Variants in ANK2 observed in about 807,000 individuals in gnomAD.
ANK2 encodes ankyrin 2.
A neutral mutation model predicts 360.5 loss-of-function variants in ANK2; 83 were observed. That is an observed-to-expected ratio of 0.23 (90% CI 0.19 to 0.28). The LOEUF (loss-of-function observed/expected upper bound fraction) is 0.28, where lower values mean the gene tolerates loss of function less well. Ranked by LOEUF, ANK2 falls within the 10% of genes least tolerant of loss-of-function variation. The pLI, the probability that ANK2 is intolerant of heterozygous loss-of-function variation, is 1.00. For missense variants in ANK2, 4,201 were observed against 4,795.7 expected (o/e 0.88, Z 3.66); for synonymous variants, 1,740 against 1,759.5 (o/e 0.99, Z 0.28).
intron 1 of ANK2, among the ~76,000 whole-genome samples, chr4:113,137,973 T>A (rs1288405163): frequency 6.6e-6 from 1 of 152,180 alleles, no homozygotes. Context: ...TCTGGAGTTT[T>A]TGATTGCTTA....
chr4:113,339,347 C>T, intron 32 of ANK2, 25 bp downstream of exon 32: 1 of 1,582,464 alleles, frequency 6.3e-7, no homozygotes, highest in Non-Finnish European at 8.7e-7. Context: ...CACAGAAAAG[C>T]CCACTATGAT....
chr4:112,973,569 C>G (rs1267283387), intron 2 of ANK2, among the ~76,000 whole-genome samples: 1 of 152,208 alleles, frequency 6.6e-6, no homozygotes, highest in Non-Finnish European at 1.5e-5. Context: ...TCATAGAGAG[C>G]TGGTAAGTGT....
intron 9 of ANK2, among the ~76,000 whole-genome samples, chr4:113,247,546 A>T (rs936579640): frequency 6.6e-6 from 1 of 152,222 alleles, no homozygotes; most frequent in East Asian, 1.9e-4. Context: ...ACATGATTAC[A>T]CAAAGACTAT....
intron 1 of ANK2, among the ~76,000 whole-genome samples, chr4:113,108,049 C>G: frequency 6.6e-6 from 1 of 152,226 alleles, no homozygotes; most frequent in African/African-American, 2.4e-5. Context: ...GTTGGACATT[C>G]GTTTACCAAT....
chr4:112,758,893 C>A, the ANK2 span, among the ~76,000 whole-genome samples: 1 of 152,086 alleles, frequency 6.6e-6, no homozygotes, highest in African/African-American at 2.4e-5. Context: ...GATGAGGAAC[C>A]TTGTGCCCAT....
chr4:113,043,229 T>C (rs2063401095), intron 2 of ANK2, among the ~76,000 whole-genome samples: 2 of 152,120 alleles, frequency 1.3e-5, no homozygotes, highest in South Asian at 4.1e-4. Context: ...AAAAAAGGCC[T>C]CTTGCCTGGC....
At chr4:112,911,282 C>G (rs2087240903) in intron 2 of ANK2, among the ~76,000 whole-genome samples, 1 of 138,590 alleles carries the variant, frequency 7.2e-6, no homozygotes, top group South Asian at 2.3e-4. Flanking sequence ...CCGAGGCGGG[C>G]GGATCACGAG....
At chr4:113,156,695 C>G (rs2097311157) in intron 1 of ANK2, among the ~76,000 whole-genome samples, 1 of 151,848 alleles carries the variant, frequency 6.6e-6, no homozygotes, top group African/African-American at 2.4e-5. Flanking sequence ...GAAAACACAT[C>G]AAAATATGCA....
At chr4:112,716,266 CT>C in the ANK2 span, among the ~76,000 whole-genome samples, 1 of 151,800 alleles carries the variant, frequency 6.6e-6, no homozygotes, top group Non-Finnish European at 1.5e-5. Context: ...TTATTTTTTT[CT>C]TTTTTATATA....
At chr4:113,206,194 C>T (rs1449342777) in intron 4 of ANK2, among the ~76,000 whole-genome samples, 5 of 152,106 alleles carry the variant, frequency 3.3e-5, no homozygotes, top group Admixed American at 2.0e-4. Flanking sequence ...TAACCCATCA[C>T]CTAGGTATTA....
chr4:112,819,582 G>T (rs1033541374), intron 1 of ANK2, among the ~76,000 whole-genome samples: 1 of 152,064 alleles, frequency 6.6e-6, no homozygotes, highest in Non-Finnish European at 1.5e-5. Context: ...AACAACAGAA[G>T]AGAGCATGCC....
intron 1 of ANK2, among the ~76,000 whole-genome samples, chr4:113,093,780 A>G (rs1383963197): frequency 1.3e-5 from 2 of 152,244 alleles, no homozygotes; most frequent in Non-Finnish European, 2.9e-5. Flanking sequence ...CAGGCACACA[A>G]CAAACCTTCA....
chr4:113,060,068 G>T (rs550264266), intron 1 of ANK2, among the ~76,000 whole-genome samples: 1 of 152,182 alleles, frequency 6.6e-6, no homozygotes, highest in Middle Eastern at 3.4e-3. Flanking sequence ...ATCTCCTAAT[G>T]TGTGAAGGAA....
intron 2 of ANK2, among the ~76,000 whole-genome samples, chr4:112,987,928 G>A (rs1217909594): frequency 6.6e-6 from 1 of 152,068 alleles, no homozygotes; most frequent in Non-Finnish European, 1.5e-5. Flanking sequence ...CCCCAGAACT[G>A]ACAGTATTAG....
chr4:113,283,399 T>C (rs1291760767), intron 18 of ANK2, among the ~76,000 whole-genome samples: 2 of 152,118 alleles, frequency 1.3e-5, no homozygotes, highest in East Asian at 1.9e-4. Flanking sequence ...AAAATACAGA[T>C]TTTTTTCCAT....
At chr4:112,952,103 T>C (rs1197785817) in intron 2 of ANK2, among the ~76,000 whole-genome samples, 1 of 152,218 alleles carries the variant, frequency 6.6e-6, no homozygotes, top group Non-Finnish European at 1.5e-5. Context: ...TAACTTTATG[T>C]TATGCAAATA....
intron 1 of ANK2, among the ~76,000 whole-genome samples, chr4:112,852,342 C>G (rs1219746701): frequency 6.6e-6 from 1 of 152,144 alleles, no homozygotes; most frequent in Non-Finnish European, 1.5e-5. Context: ...CTAGATCACA[C>G]CTCTGAGATT....
rs1469003007 is a variant in ANK2 at position 113,382,707 on chromosome 4, C to T, written c.*1236C>T. 1.3e-5 allele frequency: 2 copies of T among 150,712 alleles called. No individual in the cohort carries two copies. Among genetic ancestry groups the T allele is most frequent in the African/African-American group, 4.9e-5 (2 of 40,978 alleles). The allele number at this position is 150,712 out of a possible 1,614,324, so 9.3% of individuals were successfully genotyped here. ...TGCATGTGGCGTTTAAAAATCAAGA[C>T]CACGGTCAAACCCCTCTTCTAATCA... On this transcript the variant is annotated 3_prime_UTR_variant, in exon 46 of 46. Transcript: ENST00000357077.
In ANK2 at chr4:113,288,618, G is replaced by A. The variant is rs1031273327; in HGVS notation, c.2277+132G>A. On this transcript the variant is annotated intron_variant, in intron 20 of 45. Transcript: ENST00000357077. Reference sequence around the variant, plus strand: ...AGTTCTAAAGTGATTTTGACGAGGTGATGTAGTTTTGTAATTATTTGAGAA... The same window carrying A: ...AGTTCTAAAGTGATTTTGACGAGGTAATGTAGTTTTGTAATTATTTGAGAA... 5.2e-6 allele frequency: 4 copies of A among 768,508 alleles called. No homozygotes were observed. In the Admixed American group the frequency reaches 9.8e-5, roughly 19 times the overall value. 47.6% of individuals were successfully genotyped at this position (768,508 alleles called of 1,614,324 possible).
Sources: allele counts gnomAD v4.1 joint callset (sites outside exome capture counted in the v4.1 genomes callset), GRCh38; gene constraint gnomAD v4.1.1; transcripts MANE v1.5; gene names NCBI Gene and HGNC (gene_info 2026-07-23, HGNC 2026-07-21).